KIAA1671: variants seen among roughly 807,000 people sequenced by gnomAD.
The protein encoded by KIAA1671 is KIAA1671, also known as uncharacterized protein KIAA1671.
KIAA1671 carries 52 observed loss-of-function variants against 131.2 expected under a neutral mutation model. The ratio of observed to expected loss-of-function variants is 0.40; its 90% CI spans 0.32 to 0.50. The LOEUF (loss-of-function observed/expected upper bound fraction) is 0.50, where lower values mean the gene tolerates loss of function less well. KIAA1671 is among the 20% of genes least tolerant of loss of function. The pLI is 0.73. For synonymous variants in KIAA1671, 1,003 were observed against 961.6 expected, an observed-to-expected ratio of 1.04 and a Z score of -0.80; for missense variants, 2,360 against 2,364.2, an observed-to-expected ratio of 1.00 and a Z score of 0.04.
intron 6 of KIAA1671, among the ~76,000 whole-genome samples, chr22:25,161,696 C>T (rs1438662235): frequency 6.6e-6 from 1 of 152,132 alleles, no homozygotes; most frequent in Admixed American, 6.5e-5. Flanking sequence ...GACAGCTGGG[C>T]GTGCAGGGTG....
intron 6 of KIAA1671, among the ~76,000 whole-genome samples, chr22:25,098,764 T>C (rs1471326719): frequency 6.6e-6 from 1 of 152,138 alleles, no homozygotes; most frequent in African/African-American, 2.4e-5. Context: ...CATGGGGACC[T>C]GTGGAGTGAC....
intron 6 of KIAA1671, among the ~76,000 whole-genome samples, chr22:25,131,273 C>T (rs1271047608): frequency 6.6e-6 from 1 of 152,220 alleles, no homozygotes; most frequent in East Asian, 1.9e-4. Context: ...GTCCCTTTTC[C>T]CTCCCTGCCC....
intron 3 of KIAA1671, among the ~76,000 whole-genome samples, 198 bp downstream of exon 3, chr22:25,029,738 C>T (rs1313273296): frequency 2.0e-5 from 3 of 152,244 alleles, no homozygotes; most frequent in Non-Finnish European, 4.4e-5. Context: ...CTGGGTATGG[C>T]CAGCCGGGGG....
chr22:25,144,494 A>T (rs1390608061), intron 6 of KIAA1671, among the ~76,000 whole-genome samples: 1 of 152,094 alleles, frequency 6.6e-6, no homozygotes, highest in Non-Finnish European at 1.5e-5. Flanking sequence ...AGTAAGTGAC[A>T]TTTTCTTATT....
intron 9 of KIAA1671, among the ~76,000 whole-genome samples, chr22:25,180,598 A>C (rs983611687): frequency 6.6e-6 from 1 of 152,018 alleles, no homozygotes; most frequent in South Asian, 2.1e-4. Flanking sequence ...TGACCTGCCC[A>C]CTCTATGTAG....
chr22:24,972,030 A>G (rs1922641009), intron 1 of KIAA1671, among the ~76,000 whole-genome samples: 1 of 152,122 alleles, frequency 6.6e-6, no homozygotes, highest in South Asian at 2.1e-4. Flanking sequence ...GAAGTCCAAG[A>G]TCATGCTAGA....
chr22:25,025,607 G>A (rs902318975), intron 1 of KIAA1671, 26 bp from the exon 2 acceptor site: 1 of 152,224 alleles, frequency 6.6e-6, no homozygotes, highest in Non-Finnish European at 1.5e-5. Context: ...CTCCGGAACT[G>A]AGGCTGTCAT....
intron 6 of KIAA1671, among the ~76,000 whole-genome samples, chr22:25,071,827 G>A (rs939891126): frequency 6.6e-6 from 1 of 152,170 alleles, no homozygotes; most frequent in African/African-American, 2.4e-5. Flanking sequence ...TGGAGCTAGC[G>A]CCAGATACTT....
At chr22:25,156,412 TATATGTGTTTGTGTGTATATGTGTGC>T (rs1489439727) in intron 6 of KIAA1671, among the ~76,000 whole-genome samples, 1 of 152,108 alleles carries the variant, frequency 6.6e-6, no homozygotes, top group East Asian at 1.9e-4. Context: ...TTTTCATGTG[TATATGTGTTTGTGTGTATATGTGTGC>T]ATATGTGTTT....
At chr22:24,974,028 C>T (rs368221057) in intron 1 of KIAA1671, among the ~76,000 whole-genome samples, 4 of 152,124 alleles carry the variant, frequency 2.6e-5, no homozygotes, top group Non-Finnish European at 2.9e-5. Flanking sequence ...GTTTGCACAA[C>T]GGGACTTTCA....
chr22:25,172,598 C>T (rs1933886525), intron 7 of KIAA1671, among the ~76,000 whole-genome samples: 1 of 152,194 alleles, frequency 6.6e-6, no homozygotes, highest in Non-Finnish European at 1.5e-5. Context: ...GCCCACCTGT[C>T]CTTTCTCAAG....
At chr22:25,115,822 G>C (rs1269686327) in intron 6 of KIAA1671, among the ~76,000 whole-genome samples, 1 of 152,108 alleles carries the variant, frequency 6.6e-6, no homozygotes, top group African/African-American at 2.4e-5. Flanking sequence ...TGTCACCCAG[G>C]CTGGAGTGCA....
chr22:25,134,760 C>T (rs763871697), intron 6 of KIAA1671, among the ~76,000 whole-genome samples: 4 of 152,194 alleles, frequency 2.6e-5, no homozygotes, highest in Non-Finnish European at 5.9e-5. Flanking sequence ...TGGATTGAGA[C>T]AGACCAGAAT....
At chr22:25,147,105 A>G (rs1932893191) in intron 6 of KIAA1671, among the ~76,000 whole-genome samples, 1 of 152,210 alleles carries the variant, frequency 6.6e-6, no homozygotes, top group Non-Finnish European at 1.5e-5. Flanking sequence ...TCCTTGATCC[A>G]AACGTCAAAC....
At chr22:24,968,229 A>T (rs563607722) in intron 1 of KIAA1671, among the ~76,000 whole-genome samples, 6 of 152,196 alleles carry the variant, frequency 3.9e-5, no homozygotes, top group Non-Finnish European at 5.9e-5. Context: ...AGAAGGCAGC[A>T]AAAAGCATGG....
rs1299238596 is a variant in KIAA1671 at position 25,174,237 on chromosome 22, C to A, written c.4650-3C>A. ...TGTCTCCCTTCATTCCCTTTTTTGG[C>A]AGCTTGGCCACTGAGTCCCCAGATA... is the stretch of plus-strand genomic sequence containing the variant. On this transcript the variant is annotated splice_polypyrimidine_tract_variant and splice_region_variant and intron_variant, in intron 7 of 12. Coordinates refer to ENST00000358431, the MANE Select transcript of KIAA1671 (RefSeq NM_001145206.2). 6.5e-7 allele frequency: 1 copy of A among 1,547,890 alleles called. No individual in the cohort carries two copies.
intron 6 of KIAA1671, among the ~76,000 whole-genome samples, chr22:25,093,814 C>CTCTCTCTT: frequency 8.2e-6 from 1 of 121,344 alleles, no homozygotes; most frequent in African/African-American, 3.2e-5. Context: ...CTCTCTCTGT[C>CTCTCTCTT]TCTCTCTCTT....
chr22:25,155,928 T>A (rs1260776213), intron 6 of KIAA1671, among the ~76,000 whole-genome samples: 1 of 145,052 alleles, frequency 6.9e-6, no homozygotes, highest in African/African-American at 2.5e-5. Flanking sequence ...GTATATATAT[T>A]TATATAAATA....
intron 1 of KIAA1671, chr22:25,024,571 A>G (rs1925835364): frequency 6.6e-6 from 1 of 152,234 alleles, no homozygotes; most frequent in South Asian, 2.1e-4. Context: ...CCACAGCTAG[A>G]GTAACTCATC....
Sources: gnomAD v4.1 joint callset for allele counts (sites outside exome capture counted in the v4.1 genomes callset) on GRCh38, gnomAD v4.1.1 for gene constraint, MANE v1.5 for transcripts, NCBI Gene and HGNC (gene_info 2026-07-23, HGNC 2026-07-21) for gene names.